DLGAP1: variants seen among roughly 807,000 people sequenced by gnomAD.
DLGAP1 encodes disks large-associated protein 1.
Under a neutral mutation model 90.8 loss-of-function variants are expected in DLGAP1, and 11 were observed. The ratio of observed to expected loss-of-function variants is 0.12; its 90% CI spans 0.08 to 0.20. The LOEUF is 0.20. DLGAP1 is among the 10% of genes least tolerant of loss of function. The pLI is 1.00. For synonymous variants in DLGAP1, 558 were observed against 540.7 expected (o/e 1.03, Z -0.44); for missense variants, 1,050 against 1,333.8 (o/e 0.79, Z 3.31).
chr18:3,928,977 T>C (rs1455607866), intron 3 of DLGAP1, among the ~76,000 whole-genome samples: 1 of 152,126 alleles, frequency 6.6e-6, no homozygotes, highest in African/African-American at 2.4e-5. Context: ...TCTCACGAGA[T>C]CTGATTGTTT....
intron 2 of DLGAP1, among the ~76,000 whole-genome samples, chr18:4,036,598 G>C (rs1338297992): frequency 6.6e-6 from 1 of 152,174 alleles, no homozygotes; most frequent in Non-Finnish European, 1.5e-5. Flanking sequence ...CACTGAACAT[G>C]CGTTCTAAAT....
chr18:4,207,486 T>C (rs931208660), intron 1 of DLGAP1, among the ~76,000 whole-genome samples: 4 of 152,172 alleles, frequency 2.6e-5, no homozygotes, highest in Non-Finnish European at 5.9e-5. Flanking sequence ...GAGGCAAGAA[T>C]GCAGACCGCA....
At chr18:3,869,035 C>T (rs1215881846) in intron 4 of DLGAP1, among the ~76,000 whole-genome samples, 1 of 152,128 alleles carries the variant, frequency 6.6e-6, no homozygotes, top group Non-Finnish European at 1.5e-5. Flanking sequence ...CTTGTAGACA[C>T]CTCCTATGAC....
In DLGAP1 at chr18:3,814,151, G is replaced by A. The variant is rs1304223342; in HGVS notation, c.1080C>T (p.Asp360=). 3 of 1,614,020 alleles carry A rather than the reference G, an allele frequency of 1.9e-6. No homozygotes were observed. In the South Asian group the frequency reaches 3.3e-5, roughly 18 times the overall value. ...AMGDEDSGDS[D]TSPKPSPKVA... ...CTTTTGGAGAAGGCTTAGGACTCGT[G>A]TCTGAGTCTCCACTGTCTTCATCCC... is the stretch of plus-strand genomic sequence containing the variant. Residue 360 remains aspartate, a synonymous_variant, in exon 5 of 13, where the codon GAC becomes GAT. Transcript: ENST00000315677.
chr18:3,974,925 T>C (rs1288485574), intron 3 of DLGAP1, among the ~76,000 whole-genome samples: 2 of 151,962 alleles, frequency 1.3e-5, no homozygotes, highest in African/African-American at 4.8e-5. Flanking sequence ...AATTAATCAG[T>C]CTCAAAAAGG....
chr18:4,356,133 G>A (rs1405069339), intron 1 of DLGAP1, among the ~76,000 whole-genome samples: 9 of 151,872 alleles, frequency 5.9e-5, no homozygotes, highest in African/African-American at 2.2e-4. Flanking sequence ...CTGTCTTCAG[G>A]AGGACTTTGT....
At chr18:4,195,750 T>C (rs2077485714) in intron 1 of DLGAP1, among the ~76,000 whole-genome samples, 1 of 152,012 alleles carries the variant, frequency 6.6e-6, no homozygotes, top group East Asian at 1.9e-4. Flanking sequence ...ACAGTGTTTG[T>C]CCATGTTGGT....
At chr18:4,192,364 TCATAAG>T (rs1484829962) in intron 1 of DLGAP1, among the ~76,000 whole-genome samples, 3 of 152,148 alleles carry the variant, frequency 2.0e-5, no homozygotes. Flanking sequence ...AATGAGACTA[TCATAAG>T]CATGTCATTT....
At chr18:3,944,306 G>A (rs1176366640) in intron 3 of DLGAP1, among the ~76,000 whole-genome samples, 24 of 152,308 alleles carry the variant, frequency 1.6e-4, no homozygotes, top group African/African-American at 5.8e-4. Flanking sequence ...GACCAGCCTG[G>A]CCAAGATGGT....
At chr18:3,693,742 T>C (rs1319918421) in intron 7 of DLGAP1, among the ~76,000 whole-genome samples, 2 of 152,184 alleles carry the variant, frequency 1.3e-5, no homozygotes, top group African/African-American at 4.8e-5. Context: ...GCTGAAAATC[T>C]GTTTATTGAA....
At chr18:3,931,343 T>G (rs1365078507) in intron 3 of DLGAP1, among the ~76,000 whole-genome samples, 1 of 152,136 alleles carries the variant, frequency 6.6e-6, no homozygotes, top group African/African-American at 2.4e-5. Context: ...CTTCACTCAG[T>G]TCTGCCCTGT....
chr18:4,003,107 A>T (rs530201982), intron 3 of DLGAP1, among the ~76,000 whole-genome samples: 4 of 152,232 alleles, frequency 2.6e-5, no homozygotes, highest in Non-Finnish European at 5.9e-5. Flanking sequence ...GTGGTAGAGG[A>T]TAAGTCTTAG....
intron 4 of DLGAP1, among the ~76,000 whole-genome samples, chr18:3,857,920 C>G (rs1380530404): frequency 6.6e-6 from 1 of 152,090 alleles, no homozygotes; most frequent in African/African-American, 2.4e-5. Context: ...TTGATACTCT[C>G]AAGATACAGT....
At chr18:4,148,041 G>A (rs910191832) in intron 2 of DLGAP1, among the ~76,000 whole-genome samples, 5 of 152,126 alleles carry the variant, frequency 3.3e-5, no homozygotes, top group African/African-American at 1.2e-4. Context: ...GGTTGGGCAC[G>A]GAAAAAGCCC....
intron 9 of DLGAP1, among the ~76,000 whole-genome samples, chr18:3,543,266 G>A (rs575181501): frequency 7.6e-5 from 11 of 145,370 alleles, no homozygotes; most frequent in South Asian, 2.2e-4. Context: ...CGCCTCCCGC[G>A]TTCACGCCAT....
intron 10 of DLGAP1, among the ~76,000 whole-genome samples, chr18:3,515,594 C>G (rs149312812): frequency 0.038 from 5,772 of 151,704 alleles, 363 homozygotes; most frequent in African/African-American, 0.13. Context: ...GCCTAGGCAA[C>G]ATGGCAAAAC....
intron 2 of DLGAP1, among the ~76,000 whole-genome samples, chr18:4,022,733 T>C (rs1289827204): frequency 1.3e-5 from 2 of 151,972 alleles, no homozygotes; most frequent in Admixed American, 6.6e-5. Context: ...GTTGGGTGTA[T>C]CCACACTAAA....
chr18:3,904,329 G>A (rs1174680844), intron 3 of DLGAP1, among the ~76,000 whole-genome samples: 1 of 152,218 alleles, frequency 6.6e-6, no homozygotes, highest in Non-Finnish European at 1.5e-5. Flanking sequence ...GTCAATAGTG[G>A]CGATGTGGTA....
At chr18:3,988,055 A>G (rs2073878400) in intron 3 of DLGAP1, among the ~76,000 whole-genome samples, 1 of 152,052 alleles carries the variant, frequency 6.6e-6, no homozygotes, top group Admixed American at 6.6e-5. Flanking sequence ...ACAACTCACC[A>G]TAAGGTAGAA....
Sources: gnomAD v4.1 joint callset for allele counts (sites outside exome capture counted in the v4.1 genomes callset) on GRCh38, gnomAD v4.1.1 for gene constraint, MANE v1.5 for transcripts, NCBI Gene and HGNC (gene_info 2026-07-23, HGNC 2026-07-21) for gene names.